NRXN3: variants seen among roughly 807,000 people sequenced by gnomAD.
NRXN3 encodes neurexin III.
A neutral mutation model predicts 137.6 loss-of-function variants in NRXN3; 32 were observed. That is an observed-to-expected ratio of 0.23 (90% CI 0.18 to 0.31). The LOEUF is 0.31. NRXN3 is among the 10% of genes least tolerant of loss of function. The pLI is 1.00. For missense variants in NRXN3, 1,574 were observed against 2,062.5 expected, an observed-to-expected ratio of 0.76 and a Z score of 4.59; for synonymous variants, 798 against 784.5, an observed-to-expected ratio of 1.02 and a Z score of -0.29.
At chr14:78,449,023 G>A (rs940769565) in intron 4 of NRXN3, among the ~76,000 whole-genome samples, 11 of 152,074 alleles carry the variant, frequency 7.2e-5, no homozygotes, top group Admixed American at 5.2e-4. Flanking sequence ...GTGAGCACTC[G>A]GTGCCTTTTT....
chr14:78,889,708 T>C (rs113457033), intron 10 of NRXN3, among the ~76,000 whole-genome samples: 2,592 of 152,114 alleles, frequency 0.017, 78 homozygotes, highest in African/African-American at 0.059. Flanking sequence ...TCAAGGATTC[T>C]GCAGTACAGC....
intron 4 of NRXN3, among the ~76,000 whole-genome samples, chr14:78,626,030 A>G (rs1303734922): frequency 6.6e-6 from 1 of 152,216 alleles, no homozygotes; most frequent in Non-Finnish European, 1.5e-5. Context: ...CCTGGTGCTC[A>G]GCATTGACCA....
At position 78,598,910 on chromosome 14, in the gene NRXN3, G is replaced by T. The variant is rs181639122; in HGVS notation, c.758-46210G>T. ...ATTATTTCAAGAAGGTTAGAACTCT[G>T]GTCTCTGGTTACAATAAAAAAGCTG... On this transcript the variant is annotated intron_variant, in intron 4 of 20. Coordinates refer to ENST00000335750, the MANE Select transcript of NRXN3 (RefSeq NM_001330195.2). 9.2e-5 allele frequency among the ~76,000 whole-genome samples: 14 copies of T among 152,296 alleles called. No individual in the cohort carries two copies. The East Asian group carries it at 2.3e-3, about 25-fold the overall frequency.
At chr14:79,026,950 T>TTATATATATATA (rs764640398) in intron 15 of NRXN3, among the ~76,000 whole-genome samples, 4 of 135,134 alleles carry the variant, frequency 3.0e-5, no homozygotes, top group African/African-American at 1.2e-4. Context: ...TATTATAATT[T>TTATATATATATA]TATATATATA....
chr14:79,543,372 A>T (rs867364496), intron 16 of NRXN3, among the ~76,000 whole-genome samples: 33 of 152,188 alleles, frequency 2.2e-4, no homozygotes, highest in African/African-American at 7.7e-4. Flanking sequence ...AAACACAGCC[A>T]AGGGTGGAGA....
chr14:79,385,590 G>A (rs12896672), intron 15 of NRXN3, among the ~76,000 whole-genome samples: 46,789 of 151,940 alleles, frequency 0.31, 7,541 homozygotes, highest in Admixed American at 0.39. Context: ...GGGCCTGGTG[G>A]GAGGTGTTAG....
intron 19 of NRXN3, among the ~76,000 whole-genome samples, chr14:79,759,928 C>G (rs1291067253): frequency 1.3e-5 from 2 of 151,588 alleles, no homozygotes; most frequent in Non-Finnish European, 2.9e-5. Flanking sequence ...TTTTTAGCTT[C>G]TGAATTTGAC....
At chr14:78,781,061 T>C (rs2098767516) in intron 8 of NRXN3, among the ~76,000 whole-genome samples, 1 of 152,186 alleles carries the variant, frequency 6.6e-6, no homozygotes, top group Non-Finnish European at 1.5e-5. Context: ...GGTATCTCTA[T>C]ATAATATAAT....
intron 4 of NRXN3, among the ~76,000 whole-genome samples, chr14:78,437,323 A>AT (rs146379774): frequency 0.17 from 26,122 of 149,842 alleles, 3,924 homozygotes; most frequent in African/African-American, 0.41. Context: ...ATGGTGGTTT[A>AT]TTTTTTTCTT....
intron 15 of NRXN3, among the ~76,000 whole-genome samples, chr14:79,137,476 G>T (rs1376872402): frequency 6.6e-6 from 1 of 152,076 alleles, no homozygotes; most frequent in Admixed American, 6.5e-5. Context: ...GTCTAGAATT[G>T]TGGGCAATCA....
At chr14:79,003,397 C>T (rs934137261) in intron 15 of NRXN3, among the ~76,000 whole-genome samples, 1 of 152,090 alleles carries the variant, frequency 6.6e-6, no homozygotes, top group Non-Finnish European at 1.5e-5. Flanking sequence ...CATTTAAAGC[C>T]ATAAAATGTA....
chr14:79,290,145 G>A (rs533302594), intron 15 of NRXN3, among the ~76,000 whole-genome samples: 5 of 152,272 alleles, frequency 3.3e-5, no homozygotes, highest in African/African-American at 1.2e-4. Flanking sequence ...CTCTTTGGGT[G>A]AAAATTGTGG....
intron 2 of NRXN3, among the ~76,000 whole-genome samples, chr14:78,246,319 C>A (rs910271883): frequency 1.3e-5 from 2 of 152,144 alleles, no homozygotes; most frequent in African/African-American, 2.4e-5. Context: ...TTCTTCAGAG[C>A]AGATTGTGTG....
intron 15 of NRXN3, among the ~76,000 whole-genome samples, chr14:79,322,366 C>G (rs1023441089): frequency 6.6e-6 from 1 of 152,026 alleles, no homozygotes; most frequent in Non-Finnish European, 1.5e-5. Flanking sequence ...CAGGCTTGAC[C>G]GCATTTACGG....
At chr14:78,301,819 G>A (rs968421598) in intron 4 of NRXN3, among the ~76,000 whole-genome samples, 1 of 152,178 alleles carries the variant, frequency 6.6e-6, no homozygotes. Context: ...GTTATGTATG[G>A]TTGCCTTGGA....
intron 19 of NRXN3, among the ~76,000 whole-genome samples, chr14:79,751,920 G>C (rs2098999227): frequency 1.3e-5 from 2 of 152,118 alleles, no homozygotes; most frequent in African/African-American, 2.4e-5. Flanking sequence ...CAGGGATGAA[G>C]CCCACTCGAT....
intron 15 of NRXN3, among the ~76,000 whole-genome samples, chr14:79,290,753 C>T (rs2083052084): frequency 6.6e-6 from 1 of 151,738 alleles, no homozygotes; most frequent in African/African-American, 2.4e-5. Flanking sequence ...CCTAAAATCC[C>T]AGATTTATCA....
intron 4 of NRXN3, among the ~76,000 whole-genome samples, chr14:78,402,314 T>C (rs1421910578): frequency 6.6e-6 from 1 of 152,230 alleles, no homozygotes; most frequent in African/African-American, 2.4e-5. Context: ...TTTTAAAAAA[T>C]CACCTTCAAG....
At chr14:79,488,396 C>T (rs1211163510) in intron 16 of NRXN3, among the ~76,000 whole-genome samples, 1 of 152,072 alleles carries the variant, frequency 6.6e-6, no homozygotes, top group Non-Finnish European at 1.5e-5. Context: ...CTTCTTCTTC[C>T]AAGGTAGTAG....
Sources: allele counts gnomAD v4.1 joint callset (sites outside exome capture counted in the v4.1 genomes callset), GRCh38; gene constraint gnomAD v4.1.1; transcripts MANE v1.5; gene names NCBI Gene and HGNC (gene_info 2026-07-23, HGNC 2026-07-21).